Variants in GRIP1 observed in about 807,000 individuals in gnomAD.
GRIP1 encodes the protein glutamate receptor interacting protein 1, also known as glutamate receptor-interacting protein 1.
In GRIP1, 45 loss-of-function variants were observed where a neutral mutation model predicts 129.9. That is an observed-to-expected ratio of 0.35 (90% CI 0.27 to 0.44). GRIP1 has a LOEUF of 0.44. GRIP1 is among the 20% of genes least tolerant of loss of function. GRIP1 has a pLI of 1.00. For missense variants in GRIP1, 1,196 were observed against 1,396.8 expected, an observed-to-expected ratio of 0.86 and a Z score of 2.29; for synonymous variants, 530 against 520.8, an observed-to-expected ratio of 1.02 and a Z score of -0.24.
chr12:67,004,761 A>G (rs1474771216), intron 1 of GRIP1, among the ~76,000 whole-genome samples: 1 of 152,178 alleles, frequency 6.6e-6, no homozygotes, highest in Non-Finnish European at 1.5e-5. Context: ...TTTAAAGTTT[A>G]AAGGGAAATA....
intron 14 of GRIP1, among the ~76,000 whole-genome samples, chr12:66,422,525 A>G (rs911301454): frequency 2.0e-5 from 3 of 152,182 alleles, no homozygotes; most frequent in Non-Finnish European, 4.4e-5. Flanking sequence ...AATTGACACA[A>G]TATTTTTGCC....
chr12:66,806,521 TAA>T (rs2038996750), upstream of GRIP1, among the ~76,000 whole-genome samples: 4 of 152,306 alleles, frequency 2.6e-5, no homozygotes, highest in East Asian at 5.8e-4. Context: ...GAGTCCATAT[TAA>T]GTTTTGTAGT....
chr12:66,826,241 G>C lies in GRIP1; in HGVS notation c.59-229314C>G, dbSNP rs2039410113. 2.6e-5 allele frequency among the ~76,000 whole-genome samples: 4 copies of C among 152,244 alleles called. No homozygotes were observed. The South Asian group carries it at 8.3e-4, about 32-fold the overall frequency. On this transcript the variant is annotated intron_variant, in intron 1 of 1. Coordinates refer to the GRIP1 transcript ENST00000643019. ...ACCTCATGTTCTCACTCATAAGTGGGAGTTGAACAATGAGAACACATGGAC... is the reference window on the plus strand; with the variant it reads ...ACCTCATGTTCTCACTCATAAGTGGCAGTTGAACAATGAGAACACATGGAC...
intron 1 of GRIP1, among the ~76,000 whole-genome samples, chr12:66,962,946 G>C (rs956770492): frequency 6.6e-6 from 1 of 152,088 alleles, no homozygotes; most frequent in Non-Finnish European, 1.5e-5. Context: ...AGAGATCCAT[G>C]GTTGATCTAG....
At chr12:66,528,144 T>TTGTTTGTTTG (rs1555201205) in intron 5 of GRIP1, among the ~76,000 whole-genome samples, 1 of 124,694 alleles carries the variant, frequency 8.0e-6, no homozygotes, top group Non-Finnish European at 1.7e-5. Flanking sequence ...GTTTTTTTTT[T>TTGTTTGTTTG]TTTTTTTTGA....
chr12:66,894,089 AC>A (rs1431902364), intron 1 of GRIP1, among the ~76,000 whole-genome samples: 3 of 152,130 alleles, frequency 2.0e-5, no homozygotes, highest in African/African-American at 7.2e-5. Flanking sequence ...TCAAAAGTCC[AC>A]ATGCCTTGCT....
chr12:66,377,396 C>T lies in GRIP1; in HGVS notation c.2622-111G>A, dbSNP rs578203908. 1,530 of 754,202 alleles carry T rather than the reference C, an allele frequency of 2.0e-3. 30 individuals carry two copies. The highest frequency in any genetic ancestry group is 0.011 in the South Asian group (811 of 71,250). The allele number at this position is 754,202 out of a possible 1,614,324, so 46.7% of individuals were successfully genotyped here. A position where few individuals can be genotyped will look rare whatever the true frequency, so the allele number is the denominator to read the frequency against. Reference sequence around the variant, plus strand: ...AGGCTGGAGTGCAGTGGCGCAATCTCGGCTCACTGCAAGCTCCGCCTCCCG... The same window carrying T: ...AGGCTGGAGTGCAGTGGCGCAATCTTGGCTCACTGCAAGCTCCGCCTCCCG... On this transcript the variant is annotated intron_variant, in intron 20 of 24. Transcript: ENST00000359742.
intron 16 of GRIP1, among the ~76,000 whole-genome samples, chr12:66,395,058 C>G (rs1472314): frequency 0.56 from 84,682 of 152,002 alleles, 24,792 homozygotes; most frequent in East Asian, 0.8. Context: ...CATAGACCAG[C>G]CTGCCACACT....
intron 1 of GRIP1, among the ~76,000 whole-genome samples, chr12:66,946,268 T>G (rs1194340554): frequency 6.6e-6 from 1 of 152,190 alleles, no homozygotes; most frequent in Non-Finnish European, 1.5e-5. Flanking sequence ...TTAGGGCAAT[T>G]CAGTTCTCTC....
chr12:66,707,569 G>A (rs1408909531), intron 1 of GRIP1, among the ~76,000 whole-genome samples: 1 of 143,598 alleles, frequency 7.0e-6, no homozygotes, highest in Admixed American at 7.0e-5. Context: ...GACGCTTAAT[G>A]TCCTTGGTCT....
At chr12:66,908,800 T>C (rs532124051) in intron 1 of GRIP1, among the ~76,000 whole-genome samples, 2 of 152,302 alleles carry the variant, frequency 1.3e-5, no homozygotes, top group African/African-American at 2.4e-5. Context: ...AATGTCTTCA[T>C]TGCAGATCTA....
intron 5 of GRIP1, among the ~76,000 whole-genome samples, chr12:66,521,065 T>C (rs1191338597): frequency 6.6e-6 from 1 of 152,204 alleles, no homozygotes; most frequent in Non-Finnish European, 1.5e-5. Context: ...AAATAGGCCT[T>C]GGTCAGAAAA....
chr12:67,042,354 A>G (rs2043193420), intron 1 of GRIP1, among the ~76,000 whole-genome samples: 1 of 152,238 alleles, frequency 6.6e-6, no homozygotes, highest in Non-Finnish European at 1.5e-5. Context: ...AAGCCATCAT[A>G]AAATGAGACC....
At chr12:66,722,845 T>TAAA in intron 1 of GRIP1, among the ~76,000 whole-genome samples, 1 of 152,328 alleles carries the variant, frequency 6.6e-6, no homozygotes, top group South Asian at 2.1e-4. Context: ...ACTAAAATGG[T>TAAA]AAAACTAGAA....
At chr12:66,409,177 G>T (rs933642841) in intron 15 of GRIP1, among the ~76,000 whole-genome samples, 1 of 152,114 alleles carries the variant, frequency 6.6e-6, no homozygotes, top group Non-Finnish European at 1.5e-5. Context: ...AGTGAACATG[G>T]CCTAGTGGTA....
intron 1 of GRIP1, among the ~76,000 whole-genome samples, chr12:67,012,318 T>A (rs1218566438): frequency 1.3e-5 from 2 of 152,166 alleles, no homozygotes; most frequent in East Asian, 3.9e-4. Flanking sequence ...GTTATTATCA[T>A]TAAGAATTAG....
intron 1 of GRIP1, among the ~76,000 whole-genome samples, chr12:66,999,779 T>A (rs1262800460): frequency 6.6e-6 from 1 of 152,154 alleles, no homozygotes; most frequent in Non-Finnish European, 1.5e-5. Context: ...TAATTATATA[T>A]CATGGTTCCA....
chr12:66,570,619 A>G (rs1372747781), intron 2 of GRIP1, among the ~76,000 whole-genome samples: 1 of 152,170 alleles, frequency 6.6e-6, no homozygotes, highest in Non-Finnish European at 1.5e-5. Context: ...AGTCTATAAT[A>G]ATGCTGCACA....
At chr12:66,373,314 C>G (rs1268864658) in intron 22 of GRIP1, among the ~76,000 whole-genome samples, 1 of 152,116 alleles carries the variant, frequency 6.6e-6, no homozygotes, top group East Asian at 1.9e-4. Flanking sequence ...GTCTGGAACT[C>G]CTGACCTCAA....
Sources: gnomAD v4.1 joint callset for allele counts (sites outside exome capture counted in the v4.1 genomes callset) on GRCh38, gnomAD v4.1.1 for gene constraint, MANE v1.5 for transcripts, NCBI Gene and HGNC (gene_info 2026-07-23, HGNC 2026-07-21) for gene names.